WFDC3: variants seen among roughly 807,000 people sequenced by gnomAD.
The protein encoded by WFDC3 is WAP four-disulfide core domain 3, also known as WAP four-disulfide core domain protein 3.
WFDC3 carries 15 observed loss-of-function variants against 25.8 expected under a neutral mutation model. That is an observed-to-expected ratio of 0.58 (90% confidence interval 0.39 to 0.89). The LOEUF (loss-of-function observed/expected upper bound fraction) is 0.89. WFDC3 is among the 40% of genes least tolerant of loss of function. The pLI, the probability that WFDC3 is intolerant of heterozygous loss-of-function variation, is 0.00. For missense variants in WFDC3, 264 were observed against 289.8 expected (o/e 0.91, Z 0.65); for synonymous variants, 103 against 107.1 (o/e 0.96, Z 0.24).
intron 1 of WFDC3, among the ~76,000 whole-genome samples, chr20:45,790,689 C>A (rs559901499): frequency 2.0e-5 from 3 of 150,978 alleles, no homozygotes; most frequent in South Asian, 4.2e-4. Context: ...CATGCCACTG[C>A]ACTCCAGCTT....
chr20:45,787,696 TGTGCACCCTTTGTATATC>T, intron 4 of WFDC3, 122 bp downstream of exon 4: 7 of 1,166,826 alleles, frequency 6.0e-6, no homozygotes, highest in East Asian at 5.7e-5. Flanking sequence ...GATTATGGCT[TGTGCACCCTTTGTATATC>T]TTTTTTTTTT....
intron 4 of WFDC3, among the ~76,000 whole-genome samples, chr20:45,786,732 C>T (rs1372561414): frequency 6.6e-6 from 1 of 152,056 alleles, no homozygotes; most frequent in East Asian, 1.9e-4. Context: ...TCTACCAGGA[C>T]CAGAATGAAA....
chr20:45,789,341 C>A (rs1306052135), intron 2 of WFDC3, among the ~76,000 whole-genome samples: 1 of 151,950 alleles, frequency 6.6e-6, no homozygotes, highest in African/African-American at 2.4e-5. Flanking sequence ...CCCATCTCTA[C>A]TAAAAATACA....
In WFDC3 at chr20:45,777,226, T is replaced by G. The variant is rs776646379; in HGVS notation, c.359-17A>C. On this transcript the variant is annotated splice_polypyrimidine_tract_variant and intron_variant, in intron 4 of 6. Coordinates refer to ENST00000243938, the MANE Select transcript of WFDC3 (RefSeq NM_080614.2). ...CAAACTCTGCTACATAATCAAAGCA[T>G]TGGAGCCCAGAGACGCTCACAATAT... 1.3e-6 allele frequency: 2 copies of G among 1,504,608 alleles called. No homozygotes were observed. The highest frequency in any genetic ancestry group is 8.9e-7 in the Non-Finnish European group (1 of 1,128,140). 93.2% of individuals were successfully genotyped at this position (1,504,608 alleles called of 1,614,324 possible). A position where few individuals can be genotyped will look rare whatever the true frequency, so the allele number is the denominator to read the frequency against.
At chr20:45,779,431 G>T (rs1016457079) in intron 4 of WFDC3, among the ~76,000 whole-genome samples, 4 of 152,178 alleles carry the variant, frequency 2.6e-5, no homozygotes, top group Admixed American at 6.5e-5. Flanking sequence ...CCCAGGCGTA[G>T]TAACCCTGTA....
Position 45,777,103 on chromosome 20 carries a change from G to T in WFDC3, c.465C>A (p.Gly155=). The change falls in exon 5 of 7, where the codon GGC becomes GGA. Residue 155 remains glycine (G), a synonymous_variant. Coordinates refer to ENST00000243938, the MANE Select transcript of WFDC3 (RefSeq NM_080614.2). ...CCTCAATGTCTCCGAGGCAGGTGCGGCCACAGCCGGTGCTGCAGCATTTAT... is the reference window on the plus strand; with the variant it reads ...CCTCAATGTCTCCGAGGCAGGTGCGTCCACAGCCGGTGCTGCAGCATTTAT... The part of the protein sequence containing the change: ...QGHKCCSTGC[G]RTCLGDIEGG... 4 of 1,612,524 alleles carry T rather than the reference G, an allele frequency of 2.5e-6. No homozygotes were observed. The highest frequency in any genetic ancestry group is 3.4e-6 in the Non-Finnish European group (4 of 1,179,392).
chr20:45,782,755 T>C (rs1025165942), intron 4 of WFDC3, among the ~76,000 whole-genome samples: 1 of 152,188 alleles, frequency 6.6e-6, no homozygotes, highest in Admixed American at 6.5e-5. Context: ...CACAATAGCC[T>C]CCTAACTGGT....
chr20:45,777,133 C>G lies in WFDC3; in HGVS notation c.435G>C (p.Gln145His). The change falls in exon 5 of 7, where the codon CAG (glutamine) becomes CAC (histidine). Residue 145 changes from glutamine to histidine, a missense_variant. By Grantham distance (24) the Gln-to-His change is conservative (BLOSUM62 0). Coordinates refer to ENST00000243938, the MANE Select transcript of WFDC3 (RefSeq NM_080614.2). The part of the protein sequence containing the change: ...ELCDGDASCP[Q>H]GHKCCSTGCG... The stretch of plus-strand genomic sequence containing the variant: ...AGCCGGTGCTGCAGCATTTATGCCC[C>G]TGGGGACAGGATGCATCCCCATCAC... 1.9e-6 allele frequency: 3 copies of G among 1,611,414 alleles called. No homozygotes were observed. The highest frequency in any genetic ancestry group is 2.5e-6 in the Non-Finnish European group (3 of 1,178,880).
intron 1 of WFDC3, among the ~76,000 whole-genome samples, chr20:45,791,091 A>T (rs1411531656): frequency 6.6e-6 from 1 of 151,354 alleles, no homozygotes; most frequent in Non-Finnish European, 1.5e-5. Context: ...GGAGCCAGGA[A>T]GTCGCCCTTA....
Position 45,790,133 on chromosome 20 carries a change from AAG to A in WFDC3, c.-7-153_-7-152del, listed in dbSNP as rs1156802601. The A allele has an allele frequency of 5.2e-6, 3 of 580,440 alleles. No individual in the cohort carries two copies. In the African/African-American group the frequency reaches 5.7e-5, roughly 11 times the overall value. 36.0% of individuals were successfully genotyped at this position (580,440 alleles called of 1,614,324 possible). A position where few individuals can be genotyped will look rare whatever the true frequency, so the allele number is the denominator to read the frequency against. On this transcript the variant is annotated intron_variant, in intron 1 of 6. Coordinates refer to ENST00000243938, the MANE Select transcript of WFDC3 (RefSeq NM_080614.2). ...CTCCCCAAGAATATCTTCTCCTGAC[AAG>A]AAGAAGAGGGATTGGCTGCTGGAGT...
chr20:45,791,051 T>C, intron 1 of WFDC3: 1 of 442,788 alleles, frequency 2.3e-6, no homozygotes, highest in South Asian at 1.6e-5. Context: ...AGGTACAAGG[T>C]AAAACCTCCT....
chr20:45,775,335 G>T, intron 6 of WFDC3, 82 bp downstream of exon 6: 1 of 1,532,626 alleles, frequency 6.5e-7, no homozygotes, highest in Non-Finnish European at 8.8e-7. Flanking sequence ...CTGACCTTCT[G>T]AAGTCCCCTT....
chr20:45,780,516 G>A (rs1186415470), intron 4 of WFDC3, among the ~76,000 whole-genome samples: 2 of 152,128 alleles, frequency 1.3e-5, no homozygotes, highest in Non-Finnish European at 2.9e-5. Context: ...TGCTAGGTAA[G>A]GTCAGTTCCT....
intron 4 of WFDC3, among the ~76,000 whole-genome samples, chr20:45,778,330 C>T (rs566535522): frequency 5.3e-5 from 8 of 152,312 alleles, no homozygotes; most frequent in Admixed American, 2.0e-4. Flanking sequence ...GGTATATGAA[C>T]TGCCCAGCCA....
chr20:45,776,617 AAAAAGAAAAAAAAAAAAAATATAT>A (rs1358678666), intron 5 of WFDC3, among the ~76,000 whole-genome samples: 1 of 72,908 alleles, frequency 1.4e-5, no homozygotes, highest in Non-Finnish European at 2.5e-5. Context: ...AAAAAAGAAA[AAAAAGAAAAAAAAAAAAAATATAT>A]ATATATATAT....
At position 45,778,869 on chromosome 20, in the gene WFDC3, T is replaced by A. The variant is rs933328826; in HGVS notation, c.359-1660A>T. 3.4e-5 allele frequency: 5 copies of A among 148,526 alleles called. No homozygotes were observed. In the Admixed American group the frequency reaches 3.4e-4, roughly 10 times the overall value. 9.2% of individuals were successfully genotyped at this position (148,526 alleles called of 1,614,324 possible). On this transcript the variant is annotated intron_variant, in intron 4 of 6. Transcript: ENST00000243938. ...TGTAAATGTAAAAAAAAAAAAAGAA[T>A]TGCAAAGGAGAAAGAGGGAAATAGT...
chr20:45,782,827 A>T (rs1464537599), intron 4 of WFDC3, among the ~76,000 whole-genome samples: 1 of 152,042 alleles, frequency 6.6e-6, no homozygotes, highest in Non-Finnish European at 1.5e-5. Context: ...GTCTTTTTAA[A>T]ATGAAAACTG....
rs545408564 is a variant in WFDC3, at chr20:45,786,112, G to A, written c.358+1724C>T. 1.1e-4 allele frequency among the ~76,000 whole-genome samples: 17 copies of A among 152,298 alleles called. No homozygotes were observed. The East Asian group carries it at 3.3e-3, about 29-fold the overall frequency. The stretch of plus-strand genomic sequence containing the variant: ...TCCTCAACCACCCAAACCAATGTGA[G>A]TTCTCAGCCGGGCACGGTGGCTCAC... On this transcript the variant is annotated intron_variant, in intron 4 of 6. Transcript: ENST00000243938.
chr20:45,786,335 A>G (rs76330773), intron 4 of WFDC3, among the ~76,000 whole-genome samples: 8,452 of 152,284 alleles, frequency 0.056, 306 homozygotes, highest in Non-Finnish European at 0.08. Flanking sequence ...TGGAGGTTGT[A>G]GTGAAACAAG....
Sources: gnomAD v4.1 joint callset for allele counts (sites outside exome capture counted in the v4.1 genomes callset) on GRCh38, gnomAD v4.1.1 for gene constraint, MANE v1.5 for transcripts, NCBI Gene and HGNC (gene_info 2026-07-23, HGNC 2026-07-21) for gene names.